The following SOX5 variants were observed in gnomAD, a reference collection of about 807,000 sequenced individuals.
SOX5 encodes transcription factor SOX-5.
In SOX5, 9 loss-of-function variants were observed where a neutral mutation model predicts 92.0. That is an observed-to-expected ratio of 0.10 (90% confidence interval 0.06 to 0.17). The LOEUF (loss-of-function observed/expected upper bound fraction) is 0.17, where lower values mean the gene tolerates loss of function less well. Among genes scored for constraint, SOX5 ranks in the 10% least tolerant of loss-of-function variants. The pLI is 1.00. For synonymous variants in SOX5, 344 were observed against 336.3 expected, an observed-to-expected ratio of 1.02 and a Z score of -0.25; for missense variants, 642 against 944.5, an observed-to-expected ratio of 0.68 and a Z score of 4.20.
chr12:23,859,641 A>C (rs1389277192), intron 2 of SOX5, among the ~76,000 whole-genome samples: 3 of 151,728 alleles, frequency 2.0e-5, no homozygotes, highest in Non-Finnish European at 4.4e-5. Flanking sequence ...CCTGTGACCT[A>C]CTCTGTATTC....
chr12:24,288,247 A>T (rs933841825), intron 2 of SOX5, among the ~76,000 whole-genome samples: 17 of 152,258 alleles, frequency 1.1e-4, no homozygotes, highest in African/African-American at 3.9e-4. Context: ...AGTGCCCAGG[A>T]CAGCTCCCAC....
At chr12:24,347,888 C>T (rs758670820) in intron 2 of SOX5, among the ~76,000 whole-genome samples, 1 of 151,930 alleles carries the variant, frequency 6.6e-6, no homozygotes, top group Non-Finnish European at 1.5e-5. Flanking sequence ...ATTGATGAAC[C>T]GACCTGGCCC....
chr12:24,078,792 T>A (rs1942969948), intron 4 of SOX5, among the ~76,000 whole-genome samples: 1 of 152,124 alleles, frequency 6.6e-6, no homozygotes, highest in South Asian at 2.1e-4. Flanking sequence ...TACAAGGGTT[T>A]TCGAAAACTT....
rs567782922 is a variant in SOX5, at chr12:23,614,970, T to A, written c.1018-10437A>T. ...GCGTGTGCCACCGCGCCCAGCTAAT[T>A]TTTTTGTATTTTTAGTGCAGACGGG... On this transcript the variant is annotated intron_variant, in intron 8 of 14. Transcript: ENST00000451604. Among the ~76,000 whole-genome samples the A allele has an allele frequency of 9.2e-5, 14 of 152,132 alleles. No individual in the cohort carries two copies. The East Asian group carries it at 2.7e-3, about 30-fold the overall frequency.
At chr12:24,422,198 C>T (rs2136943693) in intron 1 of SOX5, among the ~76,000 whole-genome samples, 2 of 152,282 alleles carry the variant, frequency 1.3e-5, no homozygotes, top group Middle Eastern at 3.4e-3. Context: ...ACCCACATAT[C>T]ATGAGTAGTG....
chr12:23,923,206 C>A (rs1938934420), intron 1 of SOX5, among the ~76,000 whole-genome samples: 2 of 152,032 alleles, frequency 1.3e-5, no homozygotes, highest in African/African-American at 4.8e-5. Flanking sequence ...CCGCCTCGGC[C>A]TCCCAAATGG....
chr12:23,649,464 C>G lies in SOX5; in HGVS notation c.932-8567G>C, dbSNP rs1385774494. On this transcript the variant is annotated intron_variant, in intron 7 of 14. Coordinates refer to ENST00000451604, the MANE Select transcript of SOX5 (RefSeq NM_006940.6). Reference sequence around the variant, plus strand: ...AAAGTTCAACCATGTGTAAGTTATTCAAGTTGACTTTCAACTAGTTAAAAG... The same window carrying G: ...AAAGTTCAACCATGTGTAAGTTATTGAAGTTGACTTTCAACTAGTTAAAAG... Among the ~76,000 whole-genome samples, 3 of 152,094 alleles carry G rather than the reference C, an allele frequency of 2.0e-5. No individual in the cohort carries two copies. The South Asian group carries it at 6.2e-4, about 31-fold the overall frequency.
At chr12:23,779,083 T>C (rs1401104135) in intron 3 of SOX5, among the ~76,000 whole-genome samples, 1 of 152,178 alleles carries the variant, frequency 6.6e-6, no homozygotes, top group African/African-American at 2.4e-5. Flanking sequence ...CAGCATAAGA[T>C]ACTTTCATAG....
chr12:23,843,116 A>G (rs2096537170), intron 3 of SOX5, among the ~76,000 whole-genome samples: 1 of 152,164 alleles, frequency 6.6e-6, no homozygotes, highest in Admixed American at 6.5e-5. Flanking sequence ...ACAAATTCCA[A>G]TAGAGAGATA....
At chr12:24,358,037 G>C (rs919992887) in intron 2 of SOX5, among the ~76,000 whole-genome samples, 1 of 152,056 alleles carries the variant, frequency 6.6e-6, no homozygotes. Context: ...ATATTTTCAA[G>C]ACTGGCACAG....
chr12:24,161,541 A>G (rs1252551568), intron 4 of SOX5, among the ~76,000 whole-genome samples: 2 of 152,100 alleles, frequency 1.3e-5, no homozygotes, highest in Non-Finnish European at 2.9e-5. Context: ...CTAAATAATA[A>G]TAGTTGGATA....
At chr12:24,213,845 G>T (rs991480987) in intron 3 of SOX5, among the ~76,000 whole-genome samples, 13 of 152,036 alleles carry the variant, frequency 8.6e-5, no homozygotes, top group Non-Finnish European at 1.6e-4. Context: ...CATGTGTGAT[G>T]CACAAACTCA....
chr12:24,045,060 C>G (rs1956869626), intron 4 of SOX5, among the ~76,000 whole-genome samples: 1 of 152,128 alleles, frequency 6.6e-6, no homozygotes, highest in Non-Finnish European at 1.5e-5. Context: ...TAAGATCAGT[C>G]AAATCTCCCA....
chr12:23,612,197 T>A (rs1196946024), intron 8 of SOX5, among the ~76,000 whole-genome samples: 1 of 151,990 alleles, frequency 6.6e-6, no homozygotes, highest in African/African-American at 2.4e-5. Flanking sequence ...TAAATGAATA[T>A]CAATAAAATA....
intron 4 of SOX5, among the ~76,000 whole-genome samples, chr12:24,097,144 G>A (rs1945518781): frequency 6.6e-6 from 1 of 152,086 alleles, no homozygotes; most frequent in South Asian, 2.1e-4. Flanking sequence ...TAATGATATT[G>A]AGCATCTTTA....
chr12:24,044,377 T>G (rs1956805887), intron 4 of SOX5, among the ~76,000 whole-genome samples: 1 of 152,186 alleles, frequency 6.6e-6, no homozygotes, highest in Admixed American at 6.5e-5. Context: ...AGTGCCAAAA[T>G]ATTGCTGCCT....
chr12:23,566,868 T>C (rs1332168187), intron 10 of SOX5, among the ~76,000 whole-genome samples: 1 of 152,208 alleles, frequency 6.6e-6, no homozygotes, highest in Non-Finnish European at 1.5e-5. Context: ...GATTTCCAGT[T>C]CTTGGTAAGT....
chr12:23,934,390 TAC>T (rs1389149095), intron 1 of SOX5, among the ~76,000 whole-genome samples: 1 of 150,200 alleles, frequency 6.7e-6, no homozygotes, highest in East Asian at 2.0e-4. Context: ...TTATATATTA[TAC>T]ATATGTATAT....
At chr12:23,775,538 G>T (rs1261810241) in intron 3 of SOX5, among the ~76,000 whole-genome samples, 3 of 152,208 alleles carry the variant, frequency 2.0e-5, no homozygotes, top group African/African-American at 7.2e-5. Flanking sequence ...CTGAGCTCCT[G>T]TTGGTGATGA....
Sources: gnomAD v4.1 joint callset for allele counts (sites outside exome capture counted in the v4.1 genomes callset) on GRCh38, gnomAD v4.1.1 for gene constraint, MANE v1.5 for transcripts, NCBI Gene and HGNC (gene_info 2026-07-23, HGNC 2026-07-21) for gene names.